KATNBL1: variants seen among roughly 807,000 people sequenced by gnomAD.
The protein encoded by KATNBL1 is KATNB1-like protein 1.
In KATNBL1, 28 loss-of-function variants were observed where a neutral mutation model predicts 44.7. That is an observed-to-expected ratio of 0.63 (90% CI 0.46 to 0.86). The LOEUF (loss-of-function observed/expected upper bound fraction) is 0.86, where lower values mean the gene tolerates loss of function less well. KATNBL1 is among the 40% of genes least tolerant of loss of function. The probability of loss-of-function intolerance (pLI) is 0.00; values close to 1 mark genes in which losing one functional copy is unlikely to be tolerated. For missense variants in KATNBL1, 272 were observed against 350.7 expected (o/e 0.78, Z 1.79); for synonymous variants, 78 against 114.9 (o/e 0.68, Z 2.06).
chr15:34,151,009 A>G (rs1888452165), intron 4 of KATNBL1, among the ~76,000 whole-genome samples: 2 of 152,178 alleles, frequency 1.3e-5, no homozygotes, highest in Admixed American at 1.3e-4. Flanking sequence ...CCAGTTTACC[A>G]TTGATGGGCA....
chr15:34,144,320 C>T (rs1398399699), intron 9 of KATNBL1, among the ~76,000 whole-genome samples: 2 of 151,814 alleles, frequency 1.3e-5, no homozygotes, highest in African/African-American at 2.4e-5. Context: ...CTCTGTTTCC[C>T]TTAGCATTGT....
At chr15:34,143,118 A>G (rs1888198849) in intron 9 of KATNBL1, 5 of 728,174 alleles carry the variant, frequency 6.9e-6, no homozygotes, top group Non-Finnish European at 9.9e-6. Flanking sequence ...ATCACTCAAT[A>G]TTGTCCCCAA....
chr15:34,199,880 A>T (rs113302600), intron 1 of KATNBL1: 1,865 of 152,184 alleles, frequency 0.012, 14 homozygotes, highest in Middle Eastern at 0.044. Flanking sequence ...GTGGAAGATG[A>T]CCCGAGCCGG....
intron 1 of KATNBL1, among the ~76,000 whole-genome samples, chr15:34,175,024 A>G (rs537179116): frequency 6.6e-6 from 1 of 151,432 alleles, no homozygotes; most frequent in Admixed American, 6.6e-5. Context: ...ACGAGGCAGG[A>G]GGATTGCCTG....
Position 34,190,234 on chromosome 15 carries a change from G to A in KATNBL1, c.-15+19717C>T, listed in dbSNP as rs150599580. On this transcript the variant is annotated intron_variant, in intron 1 of 9. Coordinates refer to ENST00000256544, the MANE Select transcript of KATNBL1 (RefSeq NM_024713.3). ...GCTGGGATTACAGGCGTGAGCCACC[G>A]CGCCCGGCCTGGAAGTACATTCTTA... Among the ~76,000 whole-genome samples the A allele has an allele frequency of 7.2e-4, 110 of 152,222 alleles. No homozygotes were observed. In the East Asian group the frequency reaches 8.1e-3, roughly 11 times the overall value.
At chr15:34,194,005 G>T (rs781345944) in intron 1 of KATNBL1, among the ~76,000 whole-genome samples, 1 of 151,890 alleles carries the variant, frequency 6.6e-6, no homozygotes, top group South Asian at 2.1e-4. Context: ...GCAGTGGCAC[G>T]ATCTCGGCTC....
chr15:34,155,798 T>C (rs1888620059), intron 2 of KATNBL1, among the ~76,000 whole-genome samples: 1 of 152,190 alleles, frequency 6.6e-6, no homozygotes, highest in South Asian at 2.1e-4. Context: ...TTGTAATAGG[T>C]GGAATTTATC....
chr15:34,161,854 A>AG (rs1333583824), intron 2 of KATNBL1, among the ~76,000 whole-genome samples: 3 of 152,180 alleles, frequency 2.0e-5, no homozygotes, highest in African/African-American at 4.8e-5. Flanking sequence ...ACTGGAAACT[A>AG]GGGGCAAGGA....
At chr15:34,186,125 T>C (rs1294750652) in intron 1 of KATNBL1, among the ~76,000 whole-genome samples, 1 of 151,784 alleles carries the variant, frequency 6.6e-6, no homozygotes, top group African/African-American at 2.4e-5. Flanking sequence ...TCATGGGGAG[T>C]CTGGTCATTG....
intron 1 of KATNBL1, among the ~76,000 whole-genome samples, chr15:34,183,118 A>G (rs1419311116): frequency 6.6e-6 from 1 of 152,178 alleles, no homozygotes; most frequent in Middle Eastern, 3.2e-3. Flanking sequence ...TCAATCCTGG[A>G]GGTGCCAGAA....
intron 3 of KATNBL1, 43 bp downstream of exon 3, chr15:34,154,600 CT>C (rs1888580570): frequency 8.1e-7 from 1 of 1,235,192 alleles, no homozygotes; most frequent in African/African-American, 1.5e-5. Context: ...CCTTACCCAG[CT>C]TTCATATTTG....
intron 1 of KATNBL1, among the ~76,000 whole-genome samples, chr15:34,167,996 A>G (rs541827027): frequency 6.6e-6 from 1 of 152,346 alleles, no homozygotes; most frequent in South Asian, 2.1e-4. Flanking sequence ...GCCAAATTGT[A>G]AAGACCATCG....
At chr15:34,199,744 G>A (rs904786305) in intron 1 of KATNBL1, 2 of 152,276 alleles carry the variant, frequency 1.3e-5, no homozygotes, top group African/African-American at 4.8e-5. Flanking sequence ...CAAGAATGAA[G>A]CCGGAGGACC....
intron 4 of KATNBL1, 117 bp downstream of exon 4, chr15:34,152,673 A>G (rs1370127965): frequency 5.0e-6 from 4 of 794,348 alleles, no homozygotes; most frequent in Non-Finnish European, 8.1e-6. Context: ...TATGACTCAA[A>G]TAAGTCTACA....
intron 1 of KATNBL1, among the ~76,000 whole-genome samples, chr15:34,175,797 G>T (rs966946072): frequency 1.3e-5 from 2 of 152,092 alleles, no homozygotes; most frequent in Non-Finnish European, 2.9e-5. Flanking sequence ...CCCGGGAGGC[G>T]GAGGTTGCAG....
At chr15:34,182,522 T>C (rs1298273248) in intron 1 of KATNBL1, among the ~76,000 whole-genome samples, 2 of 152,144 alleles carry the variant, frequency 1.3e-5, no homozygotes, top group African/African-American at 4.8e-5. Context: ...AAGGAGTTAC[T>C]ATTAAAAATT....
At chr15:34,154,168 C>G (rs920963271) in intron 3 of KATNBL1, among the ~76,000 whole-genome samples, 1 of 152,150 alleles carries the variant, frequency 6.6e-6, no homozygotes, top group Non-Finnish European at 1.5e-5. Context: ...ATTGTACCCT[C>G]AAACAAGAGA....
chr15:34,157,792 G>A (rs964629018), intron 2 of KATNBL1, among the ~76,000 whole-genome samples: 2 of 152,144 alleles, frequency 1.3e-5, no homozygotes, highest in Non-Finnish European at 2.9e-5. Flanking sequence ...ATGAAGGTGG[G>A]TGCCAGGGAG....
chr15:34,145,895 C>T (rs1057203918), intron 8 of KATNBL1: 2 of 147,764 alleles, frequency 1.4e-5, no homozygotes, highest in African/African-American at 5.0e-5. Context: ...AACATTTGGA[C>T]ATTCCTTGGT....
Sources: gnomAD v4.1 joint callset for allele counts (sites outside exome capture counted in the v4.1 genomes callset) on GRCh38, gnomAD v4.1.1 for gene constraint, MANE v1.5 for transcripts, NCBI Gene and HGNC (gene_info 2026-07-23, HGNC 2026-07-21) for gene names.